KIAA1217: variants seen among roughly 807,000 people sequenced by gnomAD.
The protein encoded by KIAA1217 is KIAA1217, also known as sickle tail protein homolog.
In KIAA1217, 88 loss-of-function variants were observed where a neutral mutation model predicts 163.9. The ratio of observed to expected loss-of-function variants is 0.54; its 90% CI spans 0.45 to 0.64. The LOEUF is 0.64. Among genes scored for constraint, KIAA1217 ranks in the 30% least tolerant of loss-of-function variants. KIAA1217 has a pLI of 0.00. For synonymous variants in KIAA1217, 903 were observed against 923.1 expected (o/e 0.98, Z 0.39); for missense variants, 2,372 against 2,475.0 (o/e 0.96, Z 0.88).
intron 1 of KIAA1217, among the ~76,000 whole-genome samples, chr10:23,794,694 C>A (rs565022879): frequency 4.5e-4 from 69 of 152,318 alleles, no homozygotes; most frequent in Non-Finnish European, 8.2e-4. Context: ...GTAGAATAAA[C>A]CTAACCTCTA....
At chr10:24,029,772 C>T (rs1034712197) in intron 2 of KIAA1217, among the ~76,000 whole-genome samples, 12 of 152,098 alleles carry the variant, frequency 7.9e-5, no homozygotes, top group Admixed American at 4.6e-4. Context: ...GCCCATGATG[C>T]GTAGAGTGGT....
chr10:23,798,897 G>A (rs556308864), intron 1 of KIAA1217, among the ~76,000 whole-genome samples: 2 of 152,328 alleles, frequency 1.3e-5, no homozygotes, highest in East Asian at 1.9e-4. Flanking sequence ...GCATGACAAA[G>A]TACCACAAAC....
chr10:24,237,082 AT>A (rs1235500398), intron 2 of KIAA1217, among the ~76,000 whole-genome samples: 8 of 152,210 alleles, frequency 5.3e-5, no homozygotes. Flanking sequence ...ATCTACATGC[AT>A]TTATTGAGCT....
chr10:24,387,701 C>G (rs1304197048), intron 3 of KIAA1217, among the ~76,000 whole-genome samples: 1 of 152,188 alleles, frequency 6.6e-6, no homozygotes, highest in Non-Finnish European at 1.5e-5. Context: ...GCAACTTCAG[C>G]AAAGTCTCAG....
chr10:24,185,820 C>T (rs374857052), intron 2 of KIAA1217, among the ~76,000 whole-genome samples: 22 of 151,716 alleles, frequency 1.5e-4, no homozygotes, highest in African/African-American at 2.7e-4. Flanking sequence ...CAAAACTTAG[C>T]GGAATGTGGT....
intron 1 of KIAA1217, among the ~76,000 whole-genome samples, chr10:23,904,373 T>C (rs1411023817): frequency 6.6e-6 from 1 of 152,178 alleles, no homozygotes; most frequent in Non-Finnish European, 1.5e-5. Context: ...TTACAGAACA[T>C]GTTATATTTG....
intron 1 of KIAA1217, among the ~76,000 whole-genome samples, chr10:23,765,866 T>G (rs1351167175): frequency 6.6e-6 from 1 of 152,188 alleles, no homozygotes; most frequent in Non-Finnish European, 1.5e-5. Context: ...TATAGCAGTG[T>G]GAAAGTGGAC....
rs766716832 is a variant in KIAA1217 at position 23,916,991 on chromosome 10, T to A, written c.-320-90234T>A. Among the ~76,000 whole-genome samples the A allele has an allele frequency of 8.5e-4, 112 of 131,970 alleles. 1 individual carries two copies. The highest frequency in any genetic ancestry group is 1.4e-3 in the Admixed American group (19 of 13,144). The allele number at this position is 131,970 out of a possible 152,430, so 86.6% of individuals were successfully genotyped here. The stretch of plus-strand genomic sequence containing the variant: ...CTCAAAAAAAAAAAAAAAAAAAAGG[T>A]TTGTCTTAGTTTTCTTTCTATCTTT... On this transcript the variant is annotated intron_variant, in intron 1 of 18. Coordinates refer to the KIAA1217 transcript ENST00000376462.
intron 2 of KIAA1217, among the ~76,000 whole-genome samples, chr10:24,232,989 G>A (rs1295058330): frequency 1.4e-5 from 2 of 140,746 alleles, no homozygotes; most frequent in Non-Finnish European, 3.0e-5. Flanking sequence ...GCCAGGCATA[G>A]TGGTGTACAC....
chr10:24,315,944 C>A (rs2043306334), intron 2 of KIAA1217, among the ~76,000 whole-genome samples: 1 of 150,168 alleles, frequency 6.7e-6, no homozygotes, highest in Non-Finnish European at 1.5e-5. Context: ...GGGGGGAATC[C>A]AAGGAGCTTT....
intron 2 of KIAA1217, among the ~76,000 whole-genome samples, chr10:24,331,691 A>C (rs928229599): frequency 6.6e-6 from 1 of 152,270 alleles, no homozygotes; most frequent in Admixed American, 6.5e-5. Context: ...AAGCTCAGGC[A>C]GGAAATGAGA....
intron 1 of KIAA1217, among the ~76,000 whole-genome samples, chr10:23,919,182 A>G: frequency 6.6e-6 from 1 of 152,170 alleles, no homozygotes; most frequent in Non-Finnish European, 1.5e-5. Flanking sequence ...AGAGTCTCTA[A>G]TAAGGAAGGT....
chr10:23,910,345 T>C (rs890664437), intron 1 of KIAA1217, among the ~76,000 whole-genome samples: 7 of 151,734 alleles, frequency 4.6e-5, no homozygotes, highest in African/African-American at 1.7e-4. Flanking sequence ...AGATAAGCGA[T>C]TTCAAAATCT....
intron 2 of KIAA1217, among the ~76,000 whole-genome samples, chr10:24,301,759 G>A (rs771945859): frequency 3.3e-5 from 5 of 152,034 alleles, no homozygotes; most frequent in Non-Finnish European, 5.9e-5. Flanking sequence ...TTTTAGAACG[G>A]GTTGGCCAGG....
At chr10:23,789,216 G>A (rs1327198677) in intron 1 of KIAA1217, among the ~76,000 whole-genome samples, 1 of 152,060 alleles carries the variant, frequency 6.6e-6, no homozygotes, top group Non-Finnish European at 1.5e-5. Flanking sequence ...AGTATTAGAG[G>A]CTTGTGTTGG....
intron 2 of KIAA1217, among the ~76,000 whole-genome samples, chr10:24,109,695 A>G (rs889970294): frequency 5.9e-5 from 9 of 152,234 alleles, no homozygotes; most frequent in African/African-American, 2.2e-4. Context: ...TAAGTCCAGG[A>G]ATAAATGTAA....
chr10:24,191,057 G>T (rs1158411652), intron 2 of KIAA1217, among the ~76,000 whole-genome samples: 1 of 152,104 alleles, frequency 6.6e-6, no homozygotes, highest in Non-Finnish European at 1.5e-5. Flanking sequence ...AGCTGGGCAA[G>T]GTGGTGCACA....
chr10:24,403,826 A>G (rs546042606), intron 3 of KIAA1217, among the ~76,000 whole-genome samples: 1 of 152,372 alleles, frequency 6.6e-6, no homozygotes, highest in South Asian at 2.1e-4. Context: ...GCATCAGTAT[A>G]GTTCAAATAA....
chr10:24,521,624 A>G (rs893862506), intron 11 of KIAA1217, among the ~76,000 whole-genome samples, 158 bp from the exon 12 acceptor site: 3 of 152,208 alleles, frequency 2.0e-5, no homozygotes, highest in South Asian at 4.1e-4. Flanking sequence ...AGTTTCTCCA[A>G]TGCTCCTCTG....
Sources: gnomAD v4.1 joint callset for allele counts (sites outside exome capture counted in the v4.1 genomes callset) on GRCh38, gnomAD v4.1.1 for gene constraint, MANE v1.5 for transcripts, NCBI Gene and HGNC (gene_info 2026-07-23, HGNC 2026-07-21) for gene names.